The following NRG1 variants were observed in gnomAD, a reference collection of about 807,000 sequenced individuals.
NRG1 encodes neuregulin 1.
A neutral mutation model predicts 63.8 loss-of-function variants in NRG1; 18 were observed. The observed-to-expected ratio is 0.28, with a 90% CI of 0.19 to 0.42. NRG1 has a LOEUF of 0.42. Among genes scored for constraint, NRG1 ranks in the 10% least tolerant of loss-of-function variants. The probability of loss-of-function intolerance (pLI) is 1.00; values close to 1 mark genes in which losing one functional copy is unlikely to be tolerated. For missense variants in NRG1, 762 were observed against 814.7 expected (o/e 0.94, Z 0.79); for synonymous variants, 302 against 301.3 (o/e 1.00, Z -0.02).
chr8:32,161,463 T>C (rs1003684104), intron 1 of NRG1, among the ~76,000 whole-genome samples: 5 of 152,196 alleles, frequency 3.3e-5, no homozygotes, highest in Non-Finnish European at 7.3e-5. Flanking sequence ...TTATAGAATA[T>C]TGGAGCATCC....
At chr8:32,106,856 A>C (rs1215557414) in intron 1 of NRG1, among the ~76,000 whole-genome samples, 1 of 152,208 alleles carries the variant, frequency 6.6e-6, no homozygotes, top group Non-Finnish European at 1.5e-5. Context: ...TCATCTCTGT[A>C]AATATGATTT....
chr8:32,645,019 A>G (rs1047607338), intron 5 of NRG1, among the ~76,000 whole-genome samples: 1 of 152,104 alleles, frequency 6.6e-6, no homozygotes, highest in African/African-American at 2.4e-5. Flanking sequence ...ATTGAGTATA[A>G]TAGTTTTGGT....
intron 1 of NRG1, among the ~76,000 whole-genome samples, chr8:32,175,536 C>A (rs1840619883): frequency 6.6e-6 from 1 of 152,166 alleles, no homozygotes; most frequent in Non-Finnish European, 1.5e-5. Flanking sequence ...AAGATGAAGT[C>A]AAATTGTCCC....
intron 1 of NRG1, among the ~76,000 whole-genome samples, chr8:32,046,731 TTATGGTGG>T (rs766246855): frequency 2.3e-4 from 35 of 152,090 alleles, no homozygotes; most frequent in Non-Finnish European, 4.7e-4. Flanking sequence ...CAAGGCAGAG[TTATGGTGG>T]AACGAAATCA....
chr8:31,939,695 C>G (rs1446238854), intron 1 of NRG1, among the ~76,000 whole-genome samples: 2 of 151,988 alleles, frequency 1.3e-5, no homozygotes, highest in Non-Finnish European at 2.9e-5. Flanking sequence ...CACATAAGGA[C>G]TCACATCAAC....
intron 1 of NRG1, among the ~76,000 whole-genome samples, chr8:32,188,609 G>T (rs1842189406): frequency 6.6e-6 from 1 of 152,170 alleles, no homozygotes; most frequent in African/African-American, 2.4e-5. Context: ...AAAAGTGGAA[G>T]AGGGAGGCAG....
chr8:32,620,202 T>A (rs188164205), intron 5 of NRG1, among the ~76,000 whole-genome samples: 1 of 152,350 alleles, frequency 6.6e-6, no homozygotes, highest in East Asian at 1.9e-4. Context: ...CTTTTCACTT[T>A]ATTTTAGCCA....
intron 1 of NRG1, among the ~76,000 whole-genome samples, chr8:32,333,420 T>A (rs1802886727): frequency 1.3e-5 from 2 of 152,194 alleles, no homozygotes. Context: ...AGGGGCTGTC[T>A]TTAACCCTGG....
At chr8:32,040,768 TGCGCCTAA>T (rs1470964841) in intron 1 of NRG1, among the ~76,000 whole-genome samples, 2 of 124,594 alleles carry the variant, frequency 1.6e-5, no homozygotes, top group Non-Finnish European at 3.3e-5. Context: ...TATATATATA[TGCGCCTAA>T]ATTTCAGCAC....
At chr8:32,573,560 C>A (rs1422246940) in intron 1 of NRG1, among the ~76,000 whole-genome samples, 1 of 152,120 alleles carries the variant, frequency 6.6e-6, no homozygotes, top group Non-Finnish European at 1.5e-5. Flanking sequence ...TGTTCTCCAG[C>A]CAGTTCTGTC....
chr8:32,352,938 ATGTG>A (rs1410182811), intron 1 of NRG1, among the ~76,000 whole-genome samples: 2 of 122,602 alleles, frequency 1.6e-5, no homozygotes, highest in Admixed American at 1.7e-4. Flanking sequence ...GACTATATAT[ATGTG>A]TGTGTGTATA....
intron 1 of NRG1, among the ~76,000 whole-genome samples, chr8:31,766,246 G>A (rs1818042665): frequency 6.6e-6 from 1 of 152,038 alleles, no homozygotes. Context: ...ATTTACATGG[G>A]AGGAGACACA....
At chr8:32,712,838 T>C (rs1048513485) in intron 5 of NRG1, among the ~76,000 whole-genome samples, 1 of 152,164 alleles carries the variant, frequency 6.6e-6, no homozygotes, top group African/African-American at 2.4e-5. Flanking sequence ...GATCTAAGCA[T>C]GGTTGGAACT....
exon 12 of NRG1, chr8:32,764,523 C>G: frequency 1.1e-6 from 1 of 939,682 alleles, no homozygotes; most frequent in Non-Finnish European, 1.5e-6. Flanking sequence ...AGGAAAAAAA[C>G]TTTTATAAAT....
chr8:32,058,676 G>T (rs1415336655), intron 1 of NRG1, among the ~76,000 whole-genome samples: 3 of 151,896 alleles, frequency 2.0e-5, no homozygotes, highest in African/African-American at 7.3e-5. Flanking sequence ...TGGCAAGATG[G>T]GGATTTTGCT....
chr8:31,957,190 G>GTTTTTTTT (rs5890609), intron 1 of NRG1, among the ~76,000 whole-genome samples: 2 of 147,930 alleles, frequency 1.4e-5, no homozygotes, highest in Non-Finnish European at 3.0e-5. Context: ...AAATCAAAGA[G>GTTTTTTTT]TTTTTTTTTT....
At chr8:32,680,711 A>G (rs748636799) in intron 5 of NRG1, among the ~76,000 whole-genome samples, 29 of 152,020 alleles carry the variant, frequency 1.9e-4, no homozygotes, top group Non-Finnish European at 4.0e-4. Flanking sequence ...TTTACTCCCA[A>G]TGTAACCTGT....
chr8:32,096,552 C>A (rs1180383335), intron 1 of NRG1, among the ~76,000 whole-genome samples: 1 of 152,084 alleles, frequency 6.6e-6, no homozygotes, highest in Admixed American at 6.6e-5. Context: ...ATTTGGTTCA[C>A]GTTTGTGATG....
chr8:32,128,792 T>A (rs1368681156), intron 1 of NRG1, among the ~76,000 whole-genome samples: 1 of 151,956 alleles, frequency 6.6e-6, no homozygotes, highest in Non-Finnish European at 1.5e-5. Context: ...TAAGAAACTG[T>A]CAAAGCCTTC....
Sources: allele counts gnomAD v4.1 joint callset (sites outside exome capture counted in the v4.1 genomes callset), GRCh38; gene constraint gnomAD v4.1.1; transcripts MANE v1.5; gene names NCBI Gene and HGNC (gene_info 2026-07-23, HGNC 2026-07-21).